Variants in DNER observed in about 807,000 individuals in gnomAD.
The protein encoded by DNER is delta/notch like EGF repeat containing.
DNER carries 33 observed loss-of-function variants against 78.2 expected under a neutral mutation model. The observed-to-expected ratio is 0.42, with a 90% confidence interval of 0.32 to 0.56. DNER has a LOEUF of 0.56. DNER is among the 20% of genes least tolerant of loss of function. The pLI is 0.11. For missense variants in DNER, 918 were observed against 975.3 expected, an observed-to-expected ratio of 0.94 and a Z score of 0.78; for synonymous variants, 417 against 384.8, an observed-to-expected ratio of 1.08 and a Z score of -0.98.
intron 5 of DNER, among the ~76,000 whole-genome samples, chr2:229,541,535 T>C (rs1219700554): frequency 2.0e-5 from 3 of 152,202 alleles, no homozygotes; most frequent in African/African-American, 7.2e-5. Flanking sequence ...CTCAAGGTCA[T>C]TGCCAAGGTC....
intron 1 of DNER, among the ~76,000 whole-genome samples, chr2:229,615,561 A>C (rs1033269246): frequency 6.6e-6 from 1 of 152,004 alleles, no homozygotes; most frequent in Admixed American, 6.6e-5. Context: ...TACAAAAAAA[A>C]ATTAGCCGGA....
intron 6 of DNER, among the ~76,000 whole-genome samples, 177 bp from the exon 7 acceptor site, chr2:229,477,430 T>C (rs1055721789): frequency 5.3e-5 from 8 of 152,258 alleles, no homozygotes; most frequent in Non-Finnish European, 7.3e-5. Flanking sequence ...GAAATAATCA[T>C]AGTGGTTTAG....
At chr2:229,511,445 T>C in intron 6 of DNER, among the ~76,000 whole-genome samples, 1 of 152,200 alleles carries the variant, frequency 6.6e-6, no homozygotes, top group Non-Finnish European at 1.5e-5. Flanking sequence ...GCATGAAGTC[T>C]ACAGCAACAC....
intron 4 of DNER, among the ~76,000 whole-genome samples, chr2:229,558,883 C>A (rs868637035): frequency 1.8e-4 from 27 of 152,112 alleles, no homozygotes; most frequent in African/African-American, 6.0e-4. Flanking sequence ...GCAGGAGGGG[C>A]CAGATCACAA....
intron 10 of DNER, 22 bp downstream of exon 10, chr2:229,407,210 C>T: frequency 6.3e-7 from 1 of 1,587,606 alleles, no homozygotes; most frequent in Non-Finnish European, 8.6e-7. Context: ...AATTTGAAAA[C>T]TCAGTCCCTG....
chr2:229,399,943 G>A (rs1330897944), intron 10 of DNER, among the ~76,000 whole-genome samples: 1 of 151,960 alleles, frequency 6.6e-6, no homozygotes, highest in Non-Finnish European at 1.5e-5. Flanking sequence ...GTCTGGGGGG[G>A]AGCTGACCTA....
chr2:229,526,827 T>A (rs1445282803), intron 5 of DNER, among the ~76,000 whole-genome samples: 2 of 152,012 alleles, frequency 1.3e-5, no homozygotes, highest in Non-Finnish European at 2.9e-5. Context: ...ATGGGGATGG[T>A]GAAAATGTCT....
intron 5 of DNER, among the ~76,000 whole-genome samples, chr2:229,520,042 G>C (rs1215351920): frequency 6.6e-6 from 1 of 152,184 alleles, no homozygotes; most frequent in Non-Finnish European, 1.5e-5. Flanking sequence ...CTCCTGAACA[G>C]ACTTAGGAAC....
intron 4 of DNER, among the ~76,000 whole-genome samples, chr2:229,580,521 G>C (rs572598698): frequency 8.5e-5 from 13 of 152,266 alleles, no homozygotes; most frequent in Non-Finnish European, 1.0e-4. Context: ...AGTAGGCTAT[G>C]GGCAGGAGAA....
intron 1 of DNER, among the ~76,000 whole-genome samples, chr2:229,656,506 C>A (rs900011963): frequency 6.6e-6 from 1 of 152,054 alleles, no homozygotes; most frequent in Non-Finnish European, 1.5e-5. Context: ...CCAGCTCAGC[C>A]AACCACAATG....
At chr2:229,396,116 A>G (rs1693135384) in intron 10 of DNER, among the ~76,000 whole-genome samples, 1 of 152,172 alleles carries the variant, frequency 6.6e-6, no homozygotes, top group African/African-American at 2.4e-5. Context: ...CAAATAAAAA[A>G]TCTTATAAAT....
At chr2:229,405,178 T>C (rs1452253461) in intron 10 of DNER, among the ~76,000 whole-genome samples, 1 of 152,148 alleles carries the variant, frequency 6.6e-6, no homozygotes, top group Non-Finnish European at 1.5e-5. Context: ...TATTCAACCT[T>C]ACTATAAGTC....
At chr2:229,588,596 C>T (rs1697544104) in intron 2 of DNER, 108 bp from the exon 3 acceptor site, 10 of 872,880 alleles carry the variant, frequency 1.1e-5, no homozygotes, top group East Asian at 5.2e-5. Context: ...TTTGATGATG[C>T]GGGGGTAGGG....
intron 1 of DNER, among the ~76,000 whole-genome samples, chr2:229,593,299 C>G (rs538456081): frequency 5.9e-5 from 9 of 152,330 alleles, no homozygotes; most frequent in Non-Finnish European, 1.5e-5. Flanking sequence ...CCCTGTCTCT[C>G]TCCATGGACT....
chr2:229,700,535 A>C (rs1384595638), intron 1 of DNER, among the ~76,000 whole-genome samples: 2 of 151,972 alleles, frequency 1.3e-5, no homozygotes, highest in African/African-American at 2.4e-5. Flanking sequence ...ACTGGAAATA[A>C]TGTGCTTTAG....
chr2:229,630,143 T>A (rs1035167634), intron 1 of DNER, among the ~76,000 whole-genome samples: 2 of 152,070 alleles, frequency 1.3e-5, no homozygotes, highest in African/African-American at 4.8e-5. Flanking sequence ...ACACCAACTA[T>A]AAAAAGAGAC....
At chr2:229,400,471 C>T (rs1693243904) in intron 10 of DNER, among the ~76,000 whole-genome samples, 2 of 151,790 alleles carry the variant, frequency 1.3e-5, no homozygotes, top group Admixed American at 1.3e-4. Context: ...AGAACTGGAG[C>T]AGGAAATACA....
intron 6 of DNER, among the ~76,000 whole-genome samples, chr2:229,488,717 G>A (rs979235967): frequency 1.1e-4 from 16 of 152,208 alleles, no homozygotes; most frequent in African/African-American, 3.6e-4. Context: ...CCAGCCCTGA[G>A]GCCAGACACA....
In DNER at chr2:229,441,861, C is replaced by T. The variant is rs117898771; in HGVS notation, c.1486+5455G>A. ...CTGTAAGCATCAGACCAGCTCCTAA[C>T]GACCTCAAGGTCTACCTGTAAGTGC... On this transcript the variant is annotated intron_variant, in intron 8 of 12. Coordinates refer to ENST00000341772, the MANE Select transcript of DNER (RefSeq NM_139072.4). 7.9e-3 allele frequency among the ~76,000 whole-genome samples: 1,197 copies of T among 152,312 alleles called. 58 individuals carry two copies. The highest frequency in any genetic ancestry group is 0.07 in the Admixed American group (1,073 of 15,304).
Sources: allele counts gnomAD v4.1 joint callset (sites outside exome capture counted in the v4.1 genomes callset), GRCh38; gene constraint gnomAD v4.1.1; transcripts MANE v1.5; gene names NCBI Gene and HGNC (gene_info 2026-07-23, HGNC 2026-07-21).